FREM2: variants seen among roughly 807,000 people sequenced by gnomAD.
FREM2 encodes FRAS1 related extracellular matrix 2, also known as FRAS1-related extracellular matrix protein 2.
A neutral mutation model predicts 219.9 loss-of-function variants in FREM2; 119 were observed. The observed-to-expected ratio is 0.54, with a 90% confidence interval of 0.47 to 0.63. The LOEUF is 0.63. FREM2 is among the 30% of genes least tolerant of loss of function. The pLI is 0.00. For missense variants in FREM2, 4,030 were observed against 3,993.6 expected (o/e 1.01, Z -0.25); for synonymous variants, 1,562 against 1,522.8 (o/e 1.03, Z -0.60).
At chr13:38,708,293 CTT>C (rs1160281719) in intron 2 of FREM2, among the ~76,000 whole-genome samples, 2 of 152,126 alleles carry the variant, frequency 1.3e-5, no homozygotes, top group Admixed American at 6.5e-5. Context: ...TAATGGATCT[CTT>C]TGTCTCTTTT....
In FREM2 at chr13:38,880,737, G is replaced by C. The variant is rs763216538; in HGVS notation, c.9460G>C (p.Glu3154Gln). ...TGCCCCGAAAGGCTCCAGCAGCAGT[G>C]AGCCCATGGTGCCCCCACAGAGCCA... ...KDAPKGSSSS[E>Q]PMVPPQSHHN... Residue 3154 changes from glutamate to glutamine, a missense_variant, in exon 24 of 24, where the codon GAG becomes CAG. This residue lies in a region of FREM2 where 928 missense variants were observed against 1,042.9 expected (regional missense o/e 0.89). Transcript: ENST00000280481. 80 of 1,614,084 alleles carry C rather than the reference G, an allele frequency of 5.0e-5. No individual in the cohort carries two copies. Among genetic ancestry groups the C allele is most frequent in the Non-Finnish European group, 6.2e-5 (73 of 1,180,052 alleles).
chr13:38,852,807 C>T lies in FREM2; in HGVS notation c.6925+939C>T, dbSNP rs1034795517. Among the ~76,000 whole-genome samples the T allele has an allele frequency of 4.0e-5, 6 of 151,098 alleles. No individual in the cohort carries two copies. In the South Asian group the frequency reaches 6.3e-4, roughly 16 times the overall value. ...GCAGTCTCCGTGTCTTAGGTTCAAGCGATCCTCCCACCTCAGCCTCCCAAG... is the reference window on the plus strand; with the variant it reads ...GCAGTCTCCGTGTCTTAGGTTCAAGTGATCCTCCCACCTCAGCCTCCCAAG... On this transcript the variant is annotated intron_variant, in intron 11 of 23. Coordinates refer to ENST00000280481, the MANE Select transcript of FREM2 (RefSeq NM_207361.6).
intron 2 of FREM2, among the ~76,000 whole-genome samples, chr13:38,753,844 A>G (rs956165241): frequency 2.6e-5 from 4 of 152,182 alleles, no homozygotes; most frequent in African/African-American, 7.2e-5. Flanking sequence ...ACCCAATTAA[A>G]TCAGGTTTGA....
At chr13:38,714,684 A>G (rs1870917269) in intron 2 of FREM2, among the ~76,000 whole-genome samples, 1 of 152,192 alleles carries the variant, frequency 6.6e-6, no homozygotes, top group South Asian at 2.1e-4. Flanking sequence ...ACATACTTCA[A>G]CGTATACACA....
chr13:38,711,712 C>A (rs1870775701), intron 2 of FREM2, among the ~76,000 whole-genome samples: 1 of 151,900 alleles, frequency 6.6e-6, no homozygotes, highest in Non-Finnish European at 1.5e-5. Flanking sequence ...TACTACTTCC[C>A]AAAAAATTTA....
chr13:38,840,621 CT>C (rs1876912413), intron 6 of FREM2, among the ~76,000 whole-genome samples: 2 of 89,290 alleles, frequency 2.2e-5, no homozygotes, highest in African/African-American at 1.1e-4. Flanking sequence ...GGGGATAAAA[CT>C]AAAATATATA....
At chr13:38,866,840 C>T (rs776568621) in intron 16 of FREM2, among the ~76,000 whole-genome samples, 4 of 152,100 alleles carry the variant, frequency 2.6e-5, no homozygotes, top group Admixed American at 1.3e-4. Context: ...TAATAAAAAC[C>T]CTGCACTTGC....
Position 38,687,819 on chromosome 13 carries a change from G to A in FREM2, c.475G>A (p.Ala159Thr), listed in dbSNP as rs1418181141. Residue 159 changes from alanine to threonine, a missense_variant, in exon 1 of 24, where the codon GCG (alanine) becomes ACG (threonine). Physicochemically the swap from Ala to Thr is moderately conservative, Grantham distance 58. Around this residue, in one of 2 missense-constraint regions of FREM2, gnomAD observed 3,102 missense variants for 2,950.7 expected, o/e 1.05. Transcript: ENST00000280481. Reference protein sequence around the residue: ...DRVRLQLRYDAPGGAVVLPLV... With the variant: ...DRVRLQLRYDTPGGAVVLPLV... ...CGTCCGGCTGCAGCTGCGCTATGAC[G>A]CGCCCGGAGGGGCAGTAGTGCTACC... is the stretch of plus-strand genomic sequence containing the variant. 5 of 1,543,920 alleles carry A rather than the reference G, an allele frequency of 3.2e-6. No individual in the cohort carries two copies. Among genetic ancestry groups the A allele is most frequent in the Non-Finnish European group, 4.4e-6 (5 of 1,140,430 alleles).
Position 38,784,612 on chromosome 13 carries a change from C to T in FREM2, c.5823C>T (p.Ser1941=), listed in dbSNP as rs1874249501. ...TSVLSYSDYI[S]RPEDHTSVVR... ...TGTTGTCTTACTCTGATTACATATC[C>T]AGGCCTGAGGACCACACCAGTGTTG... Residue 1941 remains serine (S), a synonymous_variant, in exon 6 of 24, where the codon TCC becomes TCT. Coordinates refer to ENST00000280481, the MANE Select transcript of FREM2 (RefSeq NM_207361.6). 6.2e-7 allele frequency: 1 copy of T among 1,614,026 alleles called. No homozygotes were observed.
chr13:38,801,120 C>G (rs916592457), intron 6 of FREM2, among the ~76,000 whole-genome samples: 2 of 152,194 alleles, frequency 1.3e-5, no homozygotes, highest in African/African-American at 4.8e-5. Flanking sequence ...TTGATCTACT[C>G]TATTGTTGAA....
intron 7 of FREM2, among the ~76,000 whole-genome samples, chr13:38,847,595 G>A (rs1182857367): frequency 1.3e-5 from 2 of 151,524 alleles, no homozygotes; most frequent in African/African-American, 4.9e-5. Context: ...AAGAAGCAGA[G>A]GAAAAGAAAA....
chr13:38,779,382 C>T (rs1874019320), intron 4 of FREM2: 1 of 149,932 alleles, frequency 6.7e-6, no homozygotes, highest in Admixed American at 6.8e-5. Flanking sequence ...TATCCCAGAA[C>T]TTGAAATAAA....
Position 38,690,696 on chromosome 13 carries a change from A to G in FREM2, c.3352A>G (p.Ile1118Val), listed in dbSNP as rs754238172. The G allele has an allele frequency of 3.1e-6, 5 of 1,613,942 alleles. No homozygotes were observed. The Admixed American group carries it at 6.7e-5, about 22-fold the overall frequency. Residue 1118 changes from isoleucine to valine, a missense_variant, in exon 1 of 24, where the codon ATT (isoleucine) becomes GTT (valine). Physicochemically the swap from Ile to Val is conservative, Grantham distance 29. Transcript: ENST00000280481. ...IQPTSGYVEN[I>V]SPAPGSEKSR... is the part of the protein sequence containing the mutation. The stretch of plus-strand genomic sequence containing the variant: ...GCCTACTTCAGGTTATGTTGAAAAC[A>G]TTTCTCCAGCACCAGGCTCTGAGAA...
chr13:38,753,418 T>TC (rs1393491062), intron 2 of FREM2, among the ~76,000 whole-genome samples: 4 of 152,184 alleles, frequency 2.6e-5, no homozygotes, highest in African/African-American at 9.7e-5. Flanking sequence ...CTTATTCACA[T>TC]CCCACCCTTT....
At chr13:38,821,218 A>T (rs1469225827) in intron 6 of FREM2, among the ~76,000 whole-genome samples, 1 of 152,272 alleles carries the variant, frequency 6.6e-6, no homozygotes. Flanking sequence ...CTGACTGGAC[A>T]TCAGATCTTC....
rs1455935945 is a variant in FREM2, at chr13:38,861,109, CTTTATA to C, written c.7520-317_7520-312del. 2.6e-5 allele frequency among the ~76,000 whole-genome samples: 4 copies of C among 152,106 alleles called. No homozygotes were observed. The East Asian group carries it at 5.8e-4, about 22-fold the overall frequency. ...GTCATTTTTACTGTATCTGTTCATA[CTTTATA>C]TTTAAATGATTTTGTGAATATGACC... On this transcript the variant is annotated intron_variant, in intron 14 of 23. Transcript: ENST00000280481.
rs140826590 is a variant in FREM2, at chr13:38,851,607, T to G, written c.6743-79T>G. On this transcript the variant is annotated intron_variant, in intron 10 of 23. Coordinates refer to ENST00000280481, the MANE Select transcript of FREM2 (RefSeq NM_207361.6). ...TAATAGTCATTTATCCCCTCCCACA[T>G]GGAAACAAACATTAGAAATGGAGGA... 191 of 1,151,356 alleles carry G rather than the reference T, an allele frequency of 1.7e-4. No homozygotes were observed. The African/African-American group carries it at 2.0e-3, about 12-fold the overall frequency. 71.3% of individuals were successfully genotyped at this position (1,151,356 alleles called of 1,614,324 possible).
rs6145018 is a variant in FREM2 at position 38,754,901 on chromosome 13, G to GATTATTATTATTATTATTATT, written c.5264-9384_5264-9383insTTATTATTATTATTATTATTA. ...TGATGATGATGATGATGATGATGAT[G>GATTATTATTATTATTATTATT]ATTATTATTATTATTATTAGAGATG... On this transcript the variant is annotated intron_variant, in intron 2 of 23. Transcript: ENST00000280481. Among the ~76,000 whole-genome samples the GATTATTATTATTATTATTATT allele has an allele frequency of 3.6e-3, 463 of 128,648 alleles. 8 individuals carry two copies. Among genetic ancestry groups the GATTATTATTATTATTATTATT allele is most frequent in the South Asian group, 9.2e-3 (32 of 3,484 alleles). 84.4% of individuals were successfully genotyped at this position (128,648 alleles called of 152,430 possible).
At position 38,864,330 on chromosome 13, in the gene FREM2, C is replaced by G; in HGVS notation, c.7707C>G (p.Ser2569Arg). Reference sequence around the variant, plus strand: ...TTTCCAACTTTGAGCTCACCCTCAGCCCTGATGGCACAAGAGTTGGAAACC... The same window carrying G: ...TTTCCAACTTTGAGCTCACCCTCAGGCCTGATGGCACAAGAGTTGGAAACC... ...RELSNFELTL[S>R]PDGTRVGNHK... is the part of the protein sequence containing the mutation. The change falls in exon 16 of 24, where the codon AGC becomes AGG. Residue 2569 changes from serine to arginine, a missense_variant. This residue lies in a region of FREM2 where 928 missense variants were observed against 1,042.9 expected (regional missense o/e 0.89). Coordinates refer to ENST00000280481, the MANE Select transcript of FREM2 (RefSeq NM_207361.6). The G allele has an allele frequency of 6.2e-7, 1 of 1,614,180 alleles. No individual in the cohort carries two copies. The highest frequency in any genetic ancestry group is 8.5e-7 in the Non-Finnish European group (1 of 1,179,984).
Sources: allele counts gnomAD v4.1 joint callset (sites outside exome capture counted in the v4.1 genomes callset), GRCh38; gene constraint gnomAD v4.1.1; regional missense constraint gnomAD v4.1.1; transcripts MANE v1.5; gene names NCBI Gene and HGNC (gene_info 2026-07-23, HGNC 2026-07-21).